The following CHURC1 variants were observed in gnomAD, a reference collection of about 807,000 sequenced individuals.
CHURC1 encodes the protein churchill domain containing 1.
Under a neutral mutation model 15.4 loss-of-function variants are expected in CHURC1, and 12 were observed. That is an observed-to-expected ratio of 0.78 (90% CI 0.50 to 1.27). The LOEUF is 1.27. Ranked by LOEUF, CHURC1 falls within the 50% of genes most tolerant of loss-of-function variation. CHURC1 has a pLI of 0.00. For missense variants in CHURC1, 132 were observed against 137.8 expected (o/e 0.96, Z 0.21); for synonymous variants, 42 against 47.5 (o/e 0.88, Z 0.48).
intron 3 of CHURC1, among the ~76,000 whole-genome samples, chr14:64,928,511 A>G (rs1884883380): frequency 6.6e-6 from 1 of 152,106 alleles, no homozygotes; most frequent in African/African-American, 2.4e-5. Context: ...CAGCCTCCCA[A>G]AGTGCTGGGA....
intron 1 of CHURC1, among the ~76,000 whole-genome samples, chr14:64,915,444 G>T (rs960641781): frequency 6.6e-6 from 1 of 152,168 alleles, no homozygotes; most frequent in African/African-American, 2.4e-5. Flanking sequence ...GGCAATAGGG[G>T]ATAGTGCTGT....
intron 1 of CHURC1, among the ~76,000 whole-genome samples, chr14:64,920,153 T>G (rs1338584630): frequency 6.6e-6 from 1 of 152,184 alleles, no homozygotes; most frequent in Non-Finnish European, 1.5e-5. Context: ...TCAGAATAAT[T>G]ACAGCTTTCT....
intron 1 of CHURC1, among the ~76,000 whole-genome samples, chr14:64,922,360 C>T (rs1158096538): frequency 3.3e-5 from 5 of 151,774 alleles, no homozygotes; most frequent in African/African-American, 1.2e-4. Flanking sequence ...GGGCAGATCA[C>T]GAGGTCAGGA....
chr14:64,921,603 A>G (rs1481053255), intron 1 of CHURC1, among the ~76,000 whole-genome samples: 1 of 152,250 alleles, frequency 6.6e-6, no homozygotes, highest in Non-Finnish European at 1.5e-5. Context: ...AGTTAAAACT[A>G]CAATGAGATA....
chr14:64,922,870 A>T (rs566881139), intron 1 of CHURC1, among the ~76,000 whole-genome samples: 78 of 152,238 alleles, frequency 5.1e-4, no homozygotes, highest in African/African-American at 1.8e-3. Flanking sequence ...TGGAATCCAG[A>T]AAGACTTCCT....
chr14:64,917,572 T>C (rs921348230), intron 1 of CHURC1, among the ~76,000 whole-genome samples: 2 of 151,334 alleles, frequency 1.3e-5, no homozygotes, highest in African/African-American at 4.9e-5. Context: ...TCAAAACAAA[T>C]AAACAAACAA....
At chr14:64,927,363 A>G (rs981321676) in intron 3 of CHURC1, among the ~76,000 whole-genome samples, 1 of 152,192 alleles carries the variant, frequency 6.6e-6, no homozygotes, top group African/African-American at 2.4e-5. Context: ...TAGGGAGATG[A>G]GCATCTCCTG....
In CHURC1 at chr14:64,934,381, A is replaced by C. The variant is rs1885230987; in HGVS notation, c.*2151A>C. On this transcript the variant is annotated 3_prime_UTR_variant, in exon 4 of 4. Transcript: ENST00000549115. ...AAACAAAACAAAACAACAACAAAAA[A>C]AGAAGTTAAATAACTTGTTTAAGAT... The C allele has an allele frequency of 5.2e-6, 5 of 957,698 alleles. No individual in the cohort carries two copies. In the African/African-American group the frequency reaches 8.8e-5, roughly 17 times the overall value. 59.3% of individuals were successfully genotyped at this position (957,698 alleles called of 1,614,324 possible). A position where few individuals can be genotyped will look rare whatever the true frequency, so the allele number is the denominator to read the frequency against.
intron 1 of CHURC1, among the ~76,000 whole-genome samples, chr14:64,918,758 A>G (rs531826949): frequency 6.6e-6 from 1 of 152,154 alleles, no homozygotes; most frequent in Admixed American, 6.5e-5. Flanking sequence ...CCCTCAACCC[A>G]GGAGTTCGAG....
intron 2 of CHURC1, chr14:64,924,447 T>G (rs1884543246): frequency 5.8e-6 from 1 of 172,948 alleles, no homozygotes; most frequent in Admixed American, 6.3e-5. Context: ...TTGTTATTAT[T>G]GTGACCTTAG....
chr14:64,926,367 G>A (rs1884700458), intron 3 of CHURC1, among the ~76,000 whole-genome samples: 1 of 152,038 alleles, frequency 6.6e-6, no homozygotes, highest in Non-Finnish European at 1.5e-5. Flanking sequence ...TTATATCTGT[G>A]CAAGTTGAGA....
At position 64,933,650 on chromosome 14, in the gene CHURC1, G is replaced by A; in HGVS notation, c.*1420G>A. The stretch of plus-strand genomic sequence containing the variant: ...GCATGTAAAGTACTAGAAACAATGA[G>A]GTGGCTTCAATTAGTGCTCATTCTG... On this transcript the variant is annotated 3_prime_UTR_variant, in exon 4 of 4. Transcript: ENST00000549115. 2 of 985,426 alleles carry A rather than the reference G, an allele frequency of 2.0e-6. No homozygotes were observed. Among genetic ancestry groups the A allele is most frequent in the Non-Finnish European group, 2.4e-6 (2 of 829,922 alleles). 61.0% of individuals were successfully genotyped at this position (985,426 alleles called of 1,614,324 possible).
At chr14:64,915,145 A>T (rs186905023) in intron 1 of CHURC1, among the ~76,000 whole-genome samples, 1 of 152,340 alleles carries the variant, frequency 6.6e-6, no homozygotes, top group East Asian at 1.9e-4. Flanking sequence ...TAGTTAGATT[A>T]CTTTGCTAGG....
At position 64,927,204 on chromosome 14, in the gene CHURC1, T is replaced by C. The variant is rs530608094; in HGVS notation, c.246+1124T>C. Among the ~76,000 whole-genome samples the C allele has an allele frequency of 1.5e-4, 23 of 152,350 alleles. 1 individual carries two copies. The highest frequency in any genetic ancestry group is 5.3e-4 in the African/African-American group (22 of 41,588). ...AAGTGCTTAGTCACCTGTCAGAGTC[T>C]GGTCTGATATGTTGTGGTTAATCTA... is the stretch of plus-strand genomic sequence containing the variant. On this transcript the variant is annotated intron_variant, in intron 3 of 3. Transcript: ENST00000549115.
chr14:64,922,793 G>T (rs901039153), intron 1 of CHURC1, among the ~76,000 whole-genome samples: 1 of 152,062 alleles, frequency 6.6e-6, no homozygotes, highest in African/African-American at 2.4e-5. Context: ...AGAAGGGAGA[G>T]ATTAATTCTC....
chr14:64,934,813 C>T lies in CHURC1; in HGVS notation c.*2583C>T. 1.0e-6 allele frequency: 1 copy of T among 985,278 alleles called. No individual in the cohort carries two copies. The highest frequency in any genetic ancestry group is 1.2e-6 in the Non-Finnish European group (1 of 829,804). 61.0% of individuals were successfully genotyped at this position (985,278 alleles called of 1,614,324 possible). On this transcript the variant is annotated 3_prime_UTR_variant, in exon 4 of 4. Coordinates refer to ENST00000549115, the MANE Select transcript of CHURC1 (RefSeq NM_001386928.1). ...CTAATTTTATATGCCCTGCCAATGT[C>T]CTCATCTATTGCAGAATGTATAATT... is the stretch of plus-strand genomic sequence containing the variant.
At position 64,935,015 on chromosome 14, in the gene CHURC1, C is replaced by CTG; in HGVS notation, c.*2787_*2788dup. The CTG allele has an allele frequency of 1.0e-6, 1 of 983,186 alleles. No individual in the cohort carries two copies. Among genetic ancestry groups the CTG allele is most frequent in the African/African-American group, 1.7e-5 (1 of 57,264 alleles). 60.9% of individuals were successfully genotyped at this position (983,186 alleles called of 1,614,324 possible). A position where few individuals can be genotyped will look rare whatever the true frequency, so the allele number is the denominator to read the frequency against. On this transcript the variant is annotated 3_prime_UTR_variant, in exon 4 of 4. Coordinates refer to ENST00000549115, the MANE Select transcript of CHURC1 (RefSeq NM_001386928.1). ...CCAGTTTCACAGAATCCTTATTTTT[C>CTG]TGTTCAAATTAGGAATTAGGGACAT...
intron 3 of CHURC1, among the ~76,000 whole-genome samples, chr14:64,927,943 T>C (rs1002400605): frequency 2.6e-5 from 4 of 152,016 alleles, no homozygotes; most frequent in African/African-American, 9.7e-5. Flanking sequence ...GGTGACCTCA[T>C]TGGCCTTCCC....
At chr14:64,914,791 CACA>C (rs956827173) in intron 1 of CHURC1, among the ~76,000 whole-genome samples, 4 of 152,202 alleles carry the variant, frequency 2.6e-5, no homozygotes, top group Non-Finnish European at 4.4e-5. Flanking sequence ...CCACCACCAC[CACA>C]ACCCCCGTCG....
Sources: gnomAD v4.1 joint callset for allele counts (sites outside exome capture counted in the v4.1 genomes callset) on GRCh38, gnomAD v4.1.1 for gene constraint, MANE v1.5 for transcripts, NCBI Gene and HGNC (gene_info 2026-07-23, HGNC 2026-07-21) for gene names.